CACNA2D3: variants seen among roughly 807,000 people sequenced by gnomAD.
CACNA2D3 encodes calcium voltage-gated channel auxiliary subunit alpha2delta 3, also known as voltage-dependent calcium channel subunit alpha-2/delta-3.
In CACNA2D3, 60 loss-of-function variants were observed where a neutral mutation model predicts 160.6. The observed-to-expected ratio is 0.37, with a 90% CI of 0.30 to 0.46. The LOEUF (loss-of-function observed/expected upper bound fraction) is 0.46, where lower values mean the gene tolerates loss of function less well. CACNA2D3 is among the 20% of genes least tolerant of loss of function. The pLI is 1.00. For missense variants in CACNA2D3, 1,205 were observed against 1,365.0 expected (o/e 0.88, Z 1.85); for synonymous variants, 558 against 492.9 (o/e 1.13, Z -1.75).
chr3:54,459,099 A>G (rs1435957584), intron 4 of CACNA2D3, among the ~76,000 whole-genome samples: 1 of 152,154 alleles, frequency 6.6e-6, no homozygotes, highest in Non-Finnish European at 1.5e-5. Flanking sequence ...AAAGGACATG[A>G]ACACATCATT....
chr3:54,303,885 C>T (rs1703537162), intron 2 of CACNA2D3, among the ~76,000 whole-genome samples: 1 of 137,394 alleles, frequency 7.3e-6, no homozygotes, highest in African/African-American at 2.8e-5. Flanking sequence ...TGTGGGGCTG[C>T]AAGAACCTCT....
intron 10 of CACNA2D3, among the ~76,000 whole-genome samples, chr3:54,630,641 T>TTACAGCTC (rs1055360360): frequency 2.0e-5 from 3 of 152,182 alleles, no homozygotes; most frequent in Admixed American, 2.0e-4. Context: ...CTTGTAGAAG[T>TTACAGCTC]TACAGCTCAC....
intron 4 of CACNA2D3, among the ~76,000 whole-genome samples, chr3:54,472,266 C>T (rs1412092474): frequency 2.0e-5 from 3 of 152,142 alleles, no homozygotes; most frequent in Non-Finnish European, 4.4e-5. Flanking sequence ...TAAATGTAAT[C>T]CATCACATAA....
At chr3:54,626,055 C>A (rs1403825814) in intron 9 of CACNA2D3, among the ~76,000 whole-genome samples, 1 of 152,174 alleles carries the variant, frequency 6.6e-6, no homozygotes, top group Non-Finnish European at 1.5e-5. Flanking sequence ...TCTTCCTGTT[C>A]CTCTCCCTCC....
intron 2 of CACNA2D3, among the ~76,000 whole-genome samples, chr3:54,225,016 C>T (rs1327160595): frequency 6.9e-6 from 1 of 144,418 alleles, no homozygotes; most frequent in Non-Finnish European, 1.5e-5. Context: ...AGGTTTGTTA[C>T]ATATGTATAC....
chr3:54,888,774 C>T (rs191538669), intron 24 of CACNA2D3, among the ~76,000 whole-genome samples: 16 of 151,072 alleles, frequency 1.1e-4, no homozygotes, highest in Non-Finnish European at 2.2e-4. Flanking sequence ...TGTATCTTCC[C>T]TTCCATCCTG....
chr3:54,861,849 C>G (rs1489785274), intron 17 of CACNA2D3, among the ~76,000 whole-genome samples: 1 of 152,188 alleles, frequency 6.6e-6, no homozygotes, highest in East Asian at 1.9e-4. Context: ...TGGTCACAGG[C>G]AAATATAAGA....
intron 4 of CACNA2D3, among the ~76,000 whole-genome samples, chr3:54,404,017 G>C (rs1699525626): frequency 6.6e-6 from 1 of 152,100 alleles, no homozygotes. Context: ...AAAAATAAAA[G>C]CCCAGGACCA....
chr3:54,527,577 A>G (rs890676580), intron 5 of CACNA2D3, among the ~76,000 whole-genome samples: 1 of 152,198 alleles, frequency 6.6e-6, no homozygotes, highest in Non-Finnish European at 1.5e-5. Flanking sequence ...GTCTTCTCAG[A>G]AAGTCATGCC....
intron 8 of CACNA2D3, among the ~76,000 whole-genome samples, chr3:54,575,000 A>G (rs1265711298): frequency 6.6e-6 from 1 of 152,258 alleles, no homozygotes; most frequent in Non-Finnish European, 1.5e-5. Flanking sequence ...ATTCCGTATT[A>G]AAAGTATGAG....
At chr3:54,691,507 G>T (rs1453473560) in intron 11 of CACNA2D3, among the ~76,000 whole-genome samples, 2 of 152,194 alleles carry the variant, frequency 1.3e-5, no homozygotes, top group East Asian at 3.9e-4. Flanking sequence ...AGTGATGGAA[G>T]ACTGACTGTA....
intron 35 of CACNA2D3, among the ~76,000 whole-genome samples, chr3:55,060,589 GA>G (rs1357596906): frequency 6.6e-6 from 1 of 152,156 alleles, no homozygotes; most frequent in Non-Finnish European, 1.5e-5. Context: ...GAACTGCTTA[GA>G]AAAGGGTTTG....
chr3:54,587,267 G>GAA (rs35552388), intron 9 of CACNA2D3, among the ~76,000 whole-genome samples: 113,689 of 151,808 alleles, frequency 0.75, 43,259 homozygotes, highest in African/African-American at 0.87. Flanking sequence ...TGATAAAAAT[G>GAA]AAGAGAGGGG....
chr3:54,947,679 A>G (rs1328096645), intron 27 of CACNA2D3, among the ~76,000 whole-genome samples: 1 of 152,172 alleles, frequency 6.6e-6, no homozygotes, highest in African/African-American at 2.4e-5. Context: ...CCCCATGAAA[A>G]TAAGAGGTCC....
chr3:54,384,760 C>T (rs1255700005), intron 3 of CACNA2D3, among the ~76,000 whole-genome samples: 1 of 152,180 alleles, frequency 6.6e-6, no homozygotes, highest in Non-Finnish European at 1.5e-5. Flanking sequence ...CACTCTGTCG[C>T]CCAGGCTGGA....
intron 4 of CACNA2D3, among the ~76,000 whole-genome samples, chr3:54,446,518 G>A (rs892297788): frequency 2.6e-5 from 4 of 152,098 alleles, no homozygotes; most frequent in Non-Finnish European, 5.9e-5. Flanking sequence ...AAGAACAATG[G>A]ATAATATAAC....
intron 2 of CACNA2D3, among the ~76,000 whole-genome samples, chr3:54,177,578 A>AG (rs894132436): frequency 2.0e-5 from 3 of 152,176 alleles, no homozygotes; most frequent in Admixed American, 1.3e-4. Context: ...GCAGTTACAA[A>AG]GCTTCCTTAC....
At chr3:54,935,814 A>G (rs1701314555) in intron 27 of CACNA2D3, among the ~76,000 whole-genome samples, 1 of 152,114 alleles carries the variant, frequency 6.6e-6, no homozygotes, top group South Asian at 2.1e-4. Context: ...TTTTCTCTTT[A>G]AGGTTTGTTC....
intron 35 of CACNA2D3, among the ~76,000 whole-genome samples, chr3:55,036,362 ACTTGAAC>A (rs2107184571): frequency 6.6e-6 from 1 of 152,194 alleles, no homozygotes; most frequent in South Asian, 2.1e-4. Flanking sequence ...CAGGAGAATC[ACTTGAAC>A]CTGGGAGACG....
Sources: allele counts gnomAD v4.1 joint callset (sites outside exome capture counted in the v4.1 genomes callset), GRCh38; gene constraint gnomAD v4.1.1; transcripts MANE v1.5; gene names NCBI Gene and HGNC (gene_info 2026-07-23, HGNC 2026-07-21).